The following NAALADL2 variants were observed in gnomAD, a reference collection of about 807,000 sequenced individuals.
NAALADL2 encodes the protein N-acetylated alpha-linked acidic dipeptidase like 2, also known as inactive N-acetylated-alpha-linked acidic dipeptidase-like protein 2.
NAALADL2 carries 76 observed loss-of-function variants against 87.2 expected under a neutral mutation model. That is an observed-to-expected ratio of 0.87 (90% CI 0.72 to 1.05). The LOEUF (loss-of-function observed/expected upper bound fraction) is 1.05. Among genes scored for constraint, NAALADL2 ranks in the 50% least tolerant of loss-of-function variants. NAALADL2 has a pLI of 0.00. For synonymous variants in NAALADL2, 354 were observed against 331.0 expected (o/e 1.07, Z -0.75); for missense variants, 1,089 against 945.8 (o/e 1.15, Z -1.99).
chr3:174,526,631 C>T (rs1378069415), intron 1 of NAALADL2, among the ~76,000 whole-genome samples: 2 of 151,370 alleles, frequency 1.3e-5, no homozygotes, highest in East Asian at 1.9e-4. Flanking sequence ...AAATAGCCAG[C>T]TAACTTAATA....
chr3:174,780,117 T>C (rs1334162183), intron 3 of NAALADL2, among the ~76,000 whole-genome samples: 1 of 152,328 alleles, frequency 6.6e-6, no homozygotes, highest in Non-Finnish European at 1.5e-5. Context: ...GGAATATTTT[T>C]CCATTTGTTT....
At chr3:175,730,395 GAT>G (rs5854656) in intron 11 of NAALADL2, among the ~76,000 whole-genome samples, 2,359 of 55,516 alleles carry the variant, frequency 0.042, 33 homozygotes, top group East Asian at 0.084. Flanking sequence ...ACTTAATACA[GAT>G]ATATATATAT....
chr3:174,642,749 C>CAT lies in NAALADL2; in HGVS notation c.-115+92151_-115+92152dup, dbSNP rs71624288. Reference sequence around the variant, plus strand: ...GTAATATCAGTGCCATGAAAAAAAACATATATATATATATATATATATATA... The same window carrying CAT: ...GTAATATCAGTGCCATGAAAAAAAACATATATATATATATATATATATATATA... On this transcript the variant is annotated intron_variant, in intron 2 of 3. Transcript: ENST00000434257. 8.0e-3 allele frequency among the ~76,000 whole-genome samples: 1,041 copies of CAT among 129,796 alleles called. 4 individuals carry two copies. Among genetic ancestry groups the CAT allele is most frequent in the Non-Finnish European group, 0.01 (605 of 60,262 alleles). The allele number at this position is 129,796 out of a possible 152,430, so 85.2% of individuals were successfully genotyped here. A position where few individuals can be genotyped will look rare whatever the true frequency, so the allele number is the denominator to read the frequency against.
rs181595188 is a variant in NAALADL2, at chr3:175,604,034, A to G, written c.1801-23257A>G. ...ACAACAAATATCTCTTCAAGACCCT[A>G]CTTTCAGTTCTTTGGGGTATATATC... On this transcript the variant is annotated intron_variant, in intron 10 of 13. Coordinates refer to ENST00000454872, the MANE Select transcript of NAALADL2 (RefSeq NM_207015.3). Among the ~76,000 whole-genome samples, 10 of 152,180 alleles carry G rather than the reference A, an allele frequency of 6.6e-5. No homozygotes were observed. In the East Asian group the frequency reaches 1.5e-3, roughly 24 times the overall value.
At chr3:175,374,319 C>T (rs767946055) in intron 5 of NAALADL2, among the ~76,000 whole-genome samples, 20 of 150,198 alleles carry the variant, frequency 1.3e-4, no homozygotes, top group Non-Finnish European at 2.5e-4. Context: ...TTTGGGAGGC[C>T]GAGGTGGGAG....
chr3:175,586,663 G>A (rs529440302), intron 10 of NAALADL2, among the ~76,000 whole-genome samples: 80 of 152,236 alleles, frequency 5.3e-4, no homozygotes, highest in Non-Finnish European at 1.0e-3. Flanking sequence ...TATGTACAAG[G>A]TCATTTTCAG....
At chr3:174,448,828 T>C (rs1715258592) in intron 1 of NAALADL2, among the ~76,000 whole-genome samples, 1 of 152,158 alleles carries the variant, frequency 6.6e-6, no homozygotes, top group Admixed American at 6.5e-5. Context: ...GTCTGGTGTC[T>C]TATTGCCCAG....
intron 1 of NAALADL2, among the ~76,000 whole-genome samples, chr3:174,875,052 G>A (rs1261712449): frequency 2.2e-5 from 3 of 134,934 alleles, no homozygotes; most frequent in Non-Finnish European, 3.1e-5. Flanking sequence ...GGTCAAGGCT[G>A]AAGTGAGCTG....
intron 3 of NAALADL2, among the ~76,000 whole-genome samples, chr3:174,816,333 G>T (rs1224507843): frequency 6.6e-6 from 1 of 150,712 alleles, no homozygotes; most frequent in Non-Finnish European, 1.5e-5. Flanking sequence ...CTCTCTCAAA[G>T]AATTTTATGT....
chr3:175,175,777 C>T (rs1283373125), intron 2 of NAALADL2, among the ~76,000 whole-genome samples: 1 of 152,090 alleles, frequency 6.6e-6, no homozygotes, highest in Admixed American at 6.6e-5. Context: ...GTGAATCTAA[C>T]ATTATGTTCT....
chr3:175,543,539 T>C (rs1404012356), intron 9 of NAALADL2, among the ~76,000 whole-genome samples: 1 of 152,134 alleles, frequency 6.6e-6, no homozygotes, highest in Non-Finnish European at 1.5e-5. Context: ...CTGACAATTA[T>C]GGCAGAAGGG....
intron 1 of NAALADL2, among the ~76,000 whole-genome samples, chr3:174,913,219 G>T (rs1316680514): frequency 1.3e-5 from 2 of 152,124 alleles, no homozygotes; most frequent in Non-Finnish European, 2.9e-5. Flanking sequence ...AGTAAGACAA[G>T]TTTGAAGGGT....
intron 2 of NAALADL2, among the ~76,000 whole-genome samples, chr3:175,146,237 T>C (rs778481837): frequency 1.2e-4 from 19 of 152,074 alleles, no homozygotes; most frequent in Non-Finnish European, 2.2e-4. Flanking sequence ...TCCATCAAAA[T>C]TTATTTTAGG....
At chr3:175,416,325 G>A (rs566835286) in intron 5 of NAALADL2, among the ~76,000 whole-genome samples, 16 of 152,168 alleles carry the variant, frequency 1.1e-4, no homozygotes, top group African/African-American at 3.9e-4. Flanking sequence ...ATAGTACAGA[G>A]TTATTTTTAT....
chr3:175,796,109 GGC>G (rs1753455053), intron 13 of NAALADL2, among the ~76,000 whole-genome samples: 1 of 147,570 alleles, frequency 6.8e-6, no homozygotes, highest in Non-Finnish European at 1.5e-5. Context: ...GTGGGGGAGA[GGC>G]AGGGTGGGTG....
chr3:174,777,709 G>T (rs1304377967), intron 3 of NAALADL2, among the ~76,000 whole-genome samples: 4 of 152,028 alleles, frequency 2.6e-5, no homozygotes, highest in Non-Finnish European at 4.4e-5. Flanking sequence ...TGACTTAAAA[G>T]AAATGAAAAA....
At chr3:175,575,601 A>G (rs1322651109) in intron 9 of NAALADL2, among the ~76,000 whole-genome samples, 1 of 152,098 alleles carries the variant, frequency 6.6e-6, no homozygotes, top group East Asian at 1.9e-4. Context: ...CTAGTTTTTA[A>G]TAGACATTTT....
At chr3:175,646,862 T>G (rs1730080851) in intron 11 of NAALADL2, among the ~76,000 whole-genome samples, 1 of 152,056 alleles carries the variant, frequency 6.6e-6, no homozygotes, top group Admixed American at 6.6e-5. Context: ...TCCAGCCGAG[T>G]GTTAAATTCC....
At chr3:174,596,340 T>A in intron 2 of NAALADL2, among the ~76,000 whole-genome samples, 1 of 152,184 alleles carries the variant, frequency 6.6e-6, no homozygotes, top group East Asian at 1.9e-4. Flanking sequence ...TCCTTGATTA[T>A]CTTCTCTCAC....
Sources: allele counts gnomAD v4.1 joint callset (sites outside exome capture counted in the v4.1 genomes callset), GRCh38; gene constraint gnomAD v4.1.1; transcripts MANE v1.5; gene names NCBI Gene and HGNC (gene_info 2026-07-23, HGNC 2026-07-21).